Variants in ST3GAL3 observed in about 807,000 individuals in gnomAD.
The protein encoded by ST3GAL3 is ST3 beta-galactoside alpha-2,3-sialyltransferase 3.
ST3GAL3 carries 21 observed loss-of-function variants against 50.1 expected under a neutral mutation model. That is an observed-to-expected ratio of 0.42 (90% confidence interval 0.30 to 0.60). The LOEUF (loss-of-function observed/expected upper bound fraction) is 0.60. Ranked by LOEUF, ST3GAL3 falls within the 20% of genes least tolerant of loss-of-function variation. The probability of loss-of-function intolerance (pLI) is 0.19; values close to 1 mark genes in which losing one functional copy is unlikely to be tolerated. For synonymous variants in ST3GAL3, 183 were observed against 190.0 expected, an observed-to-expected ratio of 0.96 and a Z score of 0.30; for missense variants, 353 against 489.4, an observed-to-expected ratio of 0.72 and a Z score of 2.63.
intron 4 of ST3GAL3, among the ~76,000 whole-genome samples, chr1:43,828,508 C>A (rs2063112949): frequency 6.6e-6 from 1 of 152,028 alleles, no homozygotes; most frequent in African/African-American, 2.4e-5. Context: ...TGATTAAGGA[C>A]TTGTATTCAG....
intron 5 of ST3GAL3, among the ~76,000 whole-genome samples, chr1:43,885,838 C>T (rs2075895261): frequency 6.6e-6 from 1 of 152,158 alleles, no homozygotes; most frequent in Admixed American, 6.5e-5. Context: ...TGCAAGCCTC[C>T]CTCGGGGAGT....
chr1:43,728,271 G>A (rs1011540908), intron 1 of ST3GAL3, among the ~76,000 whole-genome samples: 4 of 152,010 alleles, frequency 2.6e-5, no homozygotes, highest in East Asian at 1.9e-4. Context: ...CAAGATCTAC[G>A]GAGGTTATCG....
chr1:43,746,025 A>G (rs1683475266), intron 2 of ST3GAL3, among the ~76,000 whole-genome samples: 1 of 152,238 alleles, frequency 6.6e-6, no homozygotes, highest in South Asian at 2.1e-4. Context: ...TATTTGCACA[A>G]TGACGAAATT....
At chr1:43,792,009 C>G (rs1328984411) in intron 2 of ST3GAL3, 93 bp from the exon 3 acceptor site, 1 of 1,476,416 alleles carries the variant, frequency 6.8e-7, no homozygotes, top group African/African-American at 1.4e-5. Flanking sequence ...CCAGTTGACT[C>G]TGCTTTGAGG....
At chr1:43,929,462 C>T (rs1289318305) in intron 11 of ST3GAL3, among the ~76,000 whole-genome samples, 2 of 152,080 alleles carry the variant, frequency 1.3e-5, no homozygotes, top group Non-Finnish European at 2.9e-5. Flanking sequence ...TACCATCACA[C>T]CCAGCTAATT....
chr1:43,922,446 G>A, intron 11 of ST3GAL3: 1 of 152,208 alleles, frequency 6.6e-6, no homozygotes, highest in Non-Finnish European at 1.5e-5. Context: ...AGGTTGCAGT[G>A]AGCCAAGATC....
intron 5 of ST3GAL3, chr1:43,850,723 T>C (rs1309001817): frequency 4.4e-5 from 33 of 746,610 alleles, no homozygotes; most frequent in Non-Finnish European, 7.6e-5. Flanking sequence ...CCCAGCTCCG[T>C]CAGTGCCTCA....
intron 9 of ST3GAL3, among the ~76,000 whole-genome samples, chr1:43,918,744 G>T (rs1254529989): frequency 1.3e-5 from 2 of 152,082 alleles, no homozygotes; most frequent in Non-Finnish European, 2.9e-5. Flanking sequence ...ATCCTACTGA[G>T]ATTTTTTTCT....
intron 4 of ST3GAL3, among the ~76,000 whole-genome samples, chr1:43,817,579 T>TCTTCCTTCTCCTC (rs199566913): frequency 4.1e-4 from 7 of 17,060 alleles, no homozygotes; most frequent in South Asian, 1.4e-3. Flanking sequence ...TTCTTCTCCT[T>TCTTCCTTCTCCTC]CTCCTCCTTC....
intron 2 of ST3GAL3, among the ~76,000 whole-genome samples, chr1:43,759,488 G>A (rs1572281776): frequency 1.3e-5 from 2 of 152,264 alleles, no homozygotes; most frequent in Non-Finnish European, 2.9e-5. Flanking sequence ...GAAGAGTCCA[G>A]CACTTAATAT....
At chr1:43,831,444 T>C (rs2063533706) in intron 4 of ST3GAL3, among the ~76,000 whole-genome samples, 1 of 152,248 alleles carries the variant, frequency 6.6e-6, no homozygotes, top group Admixed American at 6.5e-5. Context: ...TCAGTGCATA[T>C]GAAAATTCCT....
chr1:43,859,576 A>G (rs1569916607), intron 5 of ST3GAL3, among the ~76,000 whole-genome samples: 1 of 152,168 alleles, frequency 6.6e-6, no homozygotes, highest in African/African-American at 2.4e-5. Context: ...AAAGAAAAAA[A>G]ACCAGATGAT....
At chr1:43,877,863 C>T (rs2154253269) in intron 5 of ST3GAL3, among the ~76,000 whole-genome samples, 1 of 152,318 alleles carries the variant, frequency 6.6e-6, no homozygotes, top group South Asian at 2.1e-4. Context: ...TCTGCTCATT[C>T]TCTGTCATGT....
intron 1 of ST3GAL3, among the ~76,000 whole-genome samples, chr1:43,724,879 A>C (rs1380372517): frequency 6.6e-6 from 1 of 152,202 alleles, no homozygotes; most frequent in Non-Finnish European, 1.5e-5. Flanking sequence ...GGCACTTACG[A>C]GGTCAGTGGT....
intron 2 of ST3GAL3, among the ~76,000 whole-genome samples, chr1:43,740,989 A>G (rs916533334): frequency 6.6e-6 from 1 of 152,080 alleles, no homozygotes; most frequent in Non-Finnish European, 1.5e-5. Context: ...TCTAATTAAT[A>G]AAGTAGATCT....
At chr1:43,903,513 C>G (rs944933745) in intron 9 of ST3GAL3, among the ~76,000 whole-genome samples, 7 of 152,324 alleles carry the variant, frequency 4.6e-5, no homozygotes, top group African/African-American at 1.7e-4. Flanking sequence ...TCTGACTGGT[C>G]ATCAATTCAG....
At chr1:43,847,615 T>A (rs185146160) in intron 5 of ST3GAL3, among the ~76,000 whole-genome samples, 24 of 152,336 alleles carry the variant, frequency 1.6e-4, no homozygotes, top group Non-Finnish European at 2.9e-4. Context: ...AGAATATGGT[T>A]TCCATGTGCT....
At chr1:43,923,204 T>A (rs1329215171) in intron 11 of ST3GAL3, among the ~76,000 whole-genome samples, 3 of 150,042 alleles carry the variant, frequency 2.0e-5, no homozygotes, top group Non-Finnish European at 4.4e-5. Context: ...AAGTCAAGGC[T>A]GCAGTGAGCC....
intron 5 of ST3GAL3, among the ~76,000 whole-genome samples, chr1:43,844,603 A>G (rs2065924630): frequency 6.6e-6 from 1 of 152,168 alleles, no homozygotes; most frequent in African/African-American, 2.4e-5. Flanking sequence ...TGAGGTCAGG[A>G]GATCAAGACC....
Sources: gnomAD v4.1 joint callset for allele counts (sites outside exome capture counted in the v4.1 genomes callset) on GRCh38, gnomAD v4.1.1 for gene constraint, MANE v1.5 for transcripts, NCBI Gene and HGNC (gene_info 2026-07-23, HGNC 2026-07-21) for gene names.